The following C8B variants were observed in gnomAD, a reference collection of about 807,000 sequenced individuals.
C8B encodes the protein complement C8 beta chain, also known as complement component C8 beta chain.
In C8B, 67 loss-of-function variants were observed where a neutral mutation model predicts 64.6. That is an observed-to-expected ratio of 1.04 (90% CI 0.85 to 1.27). The LOEUF is 1.27. C8B is among the 50% of genes most tolerant of loss of function. The pLI, the probability that C8B is intolerant of heterozygous loss-of-function variation, is 0.00. For missense variants in C8B, 790 were observed against 725.2 expected (o/e 1.09, Z -1.03); for synonymous variants, 284 against 257.7 (o/e 1.10, Z -0.98).
intron 9 of C8B, among the ~76,000 whole-genome samples, chr1:56,934,862 A>G (rs1271329865): frequency 6.6e-6 from 1 of 152,136 alleles, no homozygotes; most frequent in African/African-American, 2.4e-5. Flanking sequence ...CCAACATCTG[A>G]TTTTGCTCCC....
At chr1:56,959,686 T>G in intron 2 of C8B, 2 of 1,410,728 alleles carry the variant, frequency 1.4e-6, no homozygotes, top group African/African-American at 2.9e-5. Flanking sequence ...CTGTGAATGG[T>G]TTCCAAGTGG....
At chr1:56,959,938 C>T in intron 2 of C8B, 82 bp downstream of exon 2, 1 of 1,465,514 alleles carries the variant, frequency 6.8e-7, no homozygotes, top group Non-Finnish European at 9.5e-7. Context: ...ATGTGCCAGG[C>T]ACTGTTAGCA....
At chr1:56,955,406 T>A (rs1003457300) in intron 3 of C8B, among the ~76,000 whole-genome samples, 2 of 152,204 alleles carry the variant, frequency 1.3e-5, no homozygotes, top group Non-Finnish European at 2.9e-5. Context: ...AACAACATAG[T>A]CATTTGGATT....
intron 1 of C8B, 83 bp downstream of exon 1, chr1:56,965,774 C>A (rs1645246911): frequency 1.4e-6 from 2 of 1,470,664 alleles, no homozygotes; most frequent in Admixed American, 3.4e-5. Flanking sequence ...AATAGGCATG[C>A]AACAAAGAGA....
chr1:56,946,153 TG>T, intron 6 of C8B, 92 bp from the exon 7 acceptor site: 2 of 1,466,356 alleles, frequency 1.4e-6, no homozygotes, highest in South Asian at 2.3e-5. Context: ...CCGATGTTCT[TG>T]GCCTGGGGTC....
chr1:56,931,987 A>G, intron 10 of C8B, 109 bp from the exon 11 acceptor site: 1 of 774,000 alleles, frequency 1.3e-6, no homozygotes, highest in Non-Finnish European at 2.2e-6. Flanking sequence ...CAGAGCACAT[A>G]TTTAGTTAAA....
chr1:56,943,635 A>C, intron 8 of C8B, 61 bp downstream of exon 8: 1 of 1,600,538 alleles, frequency 6.2e-7, no homozygotes, highest in Non-Finnish European at 8.6e-7. Context: ...TGTTGTAATC[A>C]CCAGAGGCAC....
rs756333844 is a variant in C8B at position 56,954,708 on chromosome 1, C to G, written c.511G>C (p.Gly171Arg). ...KCQHEMDQYW[G>R]IGSLASGINL... The stretch of plus-strand genomic sequence containing the variant: ...TACCCACTGGCCAGACTGCCAATTC[C>G]CCAGTATTGGTCCATTTCATGCTGA... The change falls in exon 4 of 12, where the codon GGA (glycine) becomes CGA (arginine). Residue 171 changes from glycine to arginine, a missense_variant. By Grantham distance (125) the Gly-to-Arg change is moderately radical (BLOSUM62 -2). Transcript: ENST00000371237. The G allele has an allele frequency of 3.7e-6, 6 of 1,614,038 alleles. No homozygotes were observed. Among genetic ancestry groups the G allele is most frequent in the Non-Finnish European group, 5.1e-6 (6 of 1,180,006 alleles).
intron 2 of C8B, among the ~76,000 whole-genome samples, chr1:56,957,206 G>A (rs1162950169): frequency 6.6e-6 from 1 of 152,166 alleles, no homozygotes; most frequent in Non-Finnish European, 1.5e-5. Flanking sequence ...GCTGAATGTG[G>A]GAAAGTCAGC....
chr1:56,954,794 CCATTG>C lies in C8B; in HGVS notation c.420_424del (p.Cys140TrpfsTer4), dbSNP rs745621643. On this transcript the variant is annotated frameshift_variant, in exon 4 of 12. Coordinates refer to ENST00000371237, the MANE Select transcript of C8B (RefSeq NM_000066.4). LOFTEE classifies it high-confidence loss of function. ...TGACTGGTCTCCACAGTCATTGTCCCCATTGCAAAGAAGTCTGCGGTTTACACACC... is the reference window on the plus strand; with the variant it reads ...TGACTGGTCTCCACAGTCATTGTCCCCAAAGAAGTCTGCGGTTTACACACC... 28 of 1,614,136 alleles carry C rather than the reference CCATTG, an allele frequency of 1.7e-5. No homozygotes were observed. The highest frequency in any genetic ancestry group is 2.4e-5 in the Non-Finnish European group (28 of 1,179,986).
In C8B at chr1:56,960,053, A is replaced by C; in HGVS notation, c.216T>G (p.Ser72=). 6.2e-7 allele frequency: 1 copy of C among 1,614,132 alleles called. No individual in the cohort carries two copies. The highest frequency in any genetic ancestry group is 1.1e-5 in the South Asian group (1 of 91,078). The change falls in exon 2 of 12, where the codon TCT becomes TCG. Residue 72 remains serine (S), a synonymous_variant. Coordinates refer to ENST00000371237, the MANE Select transcript of C8B (RefSeq NM_000066.4). ...PIDCELSSWS[S]WTTCDPCQKK... ...TCTGACAGGGGTCACATGTGGTCCA[A>C]GAGGACCAACTAGACAGCTCACAAT...
At chr1:56,954,927 T>C in intron 3 of C8B, 100 bp from the exon 4 acceptor site, 1 of 1,362,566 alleles carries the variant, frequency 7.3e-7, no homozygotes, top group East Asian at 2.3e-5. Context: ...TTGTCAGGCC[T>C]TGCATGCTGC....
chr1:56,957,544 T>A (rs1645120561), intron 2 of C8B, among the ~76,000 whole-genome samples: 1 of 152,250 alleles, frequency 6.6e-6, no homozygotes, highest in Non-Finnish European at 1.5e-5. Flanking sequence ...CATTATGTTG[T>A]TGGATGTATA....
intron 6 of C8B, among the ~76,000 whole-genome samples, chr1:56,949,341 T>G (rs1644987084): frequency 6.6e-6 from 1 of 152,290 alleles, no homozygotes; most frequent in East Asian, 1.9e-4. Context: ...CTGCATGTAC[T>G]TCCTCACCAT....
chr1:56,931,929 A>T (rs1644708145), intron 10 of C8B, 51 bp from the exon 11 acceptor site: 1 of 1,306,420 alleles, frequency 7.7e-7, no homozygotes, highest in Admixed American at 1.7e-5. Context: ...GGAGCAAAGA[A>T]CTCCTGGAGC....
At chr1:56,954,907 G>T in intron 3 of C8B, 80 bp from the exon 4 acceptor site, 1 of 1,559,870 alleles carries the variant, frequency 6.4e-7, no homozygotes, top group Non-Finnish European at 8.8e-7. Flanking sequence ...CCTACCAAGT[G>T]CCAGACCTTT....
chr1:56,951,943 A>C, intron 5 of C8B, 105 bp downstream of exon 5: 1 of 664,836 alleles, frequency 1.5e-6, no homozygotes, highest in Non-Finnish European at 2.1e-6. Flanking sequence ...GAAGAAACTG[A>C]AGCTCAAAGA....
In C8B at chr1:56,940,489, G is replaced by A. The variant is rs1373672849; in HGVS notation, c.1398+360C>T. ...GGAGGTTGAGGCAGGAGGATCACTT[G>A]AGCCCAGGAGTTGGAGGCTGCAATC... On this transcript the variant is annotated intron_variant, in intron 9 of 11. Coordinates refer to ENST00000371237, the MANE Select transcript of C8B (RefSeq NM_000066.4). Among the ~76,000 whole-genome samples the A allele has an allele frequency of 2.0e-5, 3 of 152,114 alleles. No individual in the cohort carries two copies. The East Asian group carries it at 5.8e-4, about 30-fold the overall frequency.
In C8B at chr1:56,954,864, G is replaced by T. The variant is rs1314002260; in HGVS notation, c.392-37C>A. The stretch of plus-strand genomic sequence containing the variant: ...AAAGAGTATTACCCACAGCCACATG[G>T]TTGGCAAGAAAGGAACTAACATAGT... On this transcript the variant is annotated intron_variant, in intron 3 of 11. Transcript: ENST00000371237. 4 of 1,613,798 alleles carry T rather than the reference G, an allele frequency of 2.5e-6. No individual in the cohort carries two copies. In the African/African-American group the frequency reaches 4.0e-5, roughly 16 times the overall value.
Sources: allele counts gnomAD v4.1 joint callset (sites outside exome capture counted in the v4.1 genomes callset), GRCh38; gene constraint gnomAD v4.1.1; transcripts MANE v1.5; gene names NCBI Gene and HGNC (gene_info 2026-07-23, HGNC 2026-07-21).